CYP19A1: variants seen among roughly 807,000 people sequenced by gnomAD.
The protein encoded by CYP19A1 is cytochrome P450 family 19 subfamily A member 1, also known as aromatase.
Under a neutral mutation model 44.4 loss-of-function variants are expected in CYP19A1, and 32 were observed. The ratio of observed to expected loss-of-function variants is 0.72; its 90% confidence interval spans 0.54 to 0.97. The LOEUF (loss-of-function observed/expected upper bound fraction) is 0.97. Ranked by LOEUF, CYP19A1 falls within the 50% of genes least tolerant of loss-of-function variation. The pLI is 0.00. For synonymous variants in CYP19A1, 212 were observed against 215.6 expected, an observed-to-expected ratio of 0.98 and a Z score of 0.14; for missense variants, 598 against 637.8, an observed-to-expected ratio of 0.94 and a Z score of 0.67.
chr15:51,299,038 G>A (rs960450076), intron 1 of CYP19A1, among the ~76,000 whole-genome samples: 4 of 152,236 alleles, frequency 2.6e-5, no homozygotes, highest in African/African-American at 9.6e-5. Flanking sequence ...AACCGGCAAG[G>A]CCTTTTTCTG....
At chr15:51,267,509 T>A (rs2034966464) in intron 1 of CYP19A1, among the ~76,000 whole-genome samples, 1 of 152,264 alleles carries the variant, frequency 6.6e-6, no homozygotes, top group South Asian at 2.1e-4. Context: ...CGAGGTCCCT[T>A]GGCTGTACGC....
chr15:51,319,576 G>A (rs1459768319), intron 1 of CYP19A1, among the ~76,000 whole-genome samples: 1 of 152,140 alleles, frequency 6.6e-6, no homozygotes, highest in African/African-American at 2.4e-5. Context: ...ACCCATAAGG[G>A]ACAACTAAAC....
At chr15:51,264,428 G>A (rs955542084) in intron 1 of CYP19A1, among the ~76,000 whole-genome samples, 1 of 152,104 alleles carries the variant, frequency 6.6e-6, no homozygotes, top group African/African-American at 2.4e-5. Flanking sequence ...TTGGTTAGTA[G>A]GGGAGACAGG....
At chr15:51,245,680 A>C (rs2034021045) in intron 1 of CYP19A1, among the ~76,000 whole-genome samples, 1 of 152,246 alleles carries the variant, frequency 6.6e-6, no homozygotes, top group East Asian at 1.9e-4. Flanking sequence ...AGAAAAAAAC[A>C]AACAACCCCA....
intron 1 of CYP19A1, among the ~76,000 whole-genome samples, chr15:51,253,736 C>A (rs1019157256): frequency 9.2e-5 from 14 of 152,172 alleles, no homozygotes; most frequent in African/African-American, 3.1e-4. Flanking sequence ...TCCTAATTAT[C>A]ATTAAGCAAA....
chr15:51,325,372 T>C (rs1289510744), intron 1 of CYP19A1, among the ~76,000 whole-genome samples: 3 of 152,112 alleles, frequency 2.0e-5, no homozygotes, highest in Non-Finnish European at 2.9e-5. Flanking sequence ...TTGCAGCCCA[T>C]AGATATTCGC....
intron 1 of CYP19A1, among the ~76,000 whole-genome samples, chr15:51,281,605 G>A (rs1041664553): frequency 1.3e-5 from 2 of 152,226 alleles, no homozygotes; most frequent in African/African-American, 4.8e-5. Context: ...GCAGCCTTGG[G>A]AGGCAGGCAG....
intron 1 of CYP19A1, among the ~76,000 whole-genome samples, chr15:51,310,181 A>G (rs1351805298): frequency 2.6e-5 from 4 of 152,334 alleles, no homozygotes; most frequent in Middle Eastern, 3.4e-3. Flanking sequence ...ATTGCACACT[A>G]TCTCCCTCAC....
intron 6 of CYP19A1, 105 bp from the exon 7 acceptor site, chr15:51,215,922 A>G: frequency 6.4e-7 from 1 of 1,574,706 alleles, no homozygotes; most frequent in South Asian, 1.1e-5. Flanking sequence ...TTTAATTGAA[A>G]ACATTGGTGC....
At chr15:51,259,564 G>A (rs1433391585) in intron 1 of CYP19A1, among the ~76,000 whole-genome samples, 1 of 152,180 alleles carries the variant, frequency 6.6e-6, no homozygotes, top group African/African-American at 2.4e-5. Flanking sequence ...GTCAGGGGAA[G>A]GGAGGGTGAA....
At chr15:51,247,503 T>A (rs954916923) in intron 1 of CYP19A1, among the ~76,000 whole-genome samples, 1 of 152,192 alleles carries the variant, frequency 6.6e-6, no homozygotes, top group African/African-American at 2.4e-5. Context: ...AGAGTCTTGC[T>A]CTGTTGCCCA....
intron 1 of CYP19A1, among the ~76,000 whole-genome samples, chr15:51,299,770 C>A (rs2036074378): frequency 6.6e-6 from 1 of 152,222 alleles, no homozygotes. Flanking sequence ...GTTCACAGCC[C>A]AGCAGGGGAG....
intron 1 of CYP19A1, among the ~76,000 whole-genome samples, chr15:51,335,093 T>A (rs756555239): frequency 1.1e-4 from 17 of 152,036 alleles, no homozygotes; most frequent in Non-Finnish European, 5.9e-5. Context: ...GTACTCCAAA[T>A]TCCATCTCAG....
intron 5 of CYP19A1, among the ~76,000 whole-genome samples, chr15:51,220,012 G>A (rs767100059): frequency 1.3e-4 from 20 of 152,214 alleles, no homozygotes; most frequent in Non-Finnish European, 1.9e-4. Flanking sequence ...AGCTGGAGTA[G>A]GGGAGATGCG....
intron 7 of CYP19A1, among the ~76,000 whole-genome samples, 186 bp from the exon 8 acceptor site, chr15:51,215,418 G>T (rs915936983): frequency 1.3e-5 from 2 of 152,220 alleles, no homozygotes; most frequent in African/African-American, 4.8e-5. Context: ...TAGGCCGACT[G>T]TCTATGTATA....
chr15:51,286,430 CGTTT>C (rs1396217432), intron 1 of CYP19A1, among the ~76,000 whole-genome samples: 1 of 152,154 alleles, frequency 6.6e-6, no homozygotes. Context: ...TTGTCTGTTT[CGTTT>C]GTTTGTTCTT....
intron 1 of CYP19A1, among the ~76,000 whole-genome samples, chr15:51,300,403 T>A (rs560221581): frequency 6.6e-6 from 1 of 152,268 alleles, no homozygotes; most frequent in Non-Finnish European, 1.5e-5. Flanking sequence ...TCTCAAGAAA[T>A]CACTTTGGTG....
chr15:51,230,658 G>A (rs962427843), intron 3 of CYP19A1, among the ~76,000 whole-genome samples: 9 of 134,332 alleles, frequency 6.7e-5, no homozygotes, highest in Non-Finnish European at 1.1e-4. Context: ...TCACTCTATC[G>A]CCCAGGCTGG....
chr15:51,314,616 G>A (rs1045915383), intron 1 of CYP19A1, among the ~76,000 whole-genome samples: 1 of 152,296 alleles, frequency 6.6e-6, no homozygotes, highest in African/African-American at 2.4e-5. Context: ...TTCTGCCTTA[G>A]AACTCTAACT....
Sources: gnomAD v4.1 joint callset for allele counts (sites outside exome capture counted in the v4.1 genomes callset) on GRCh38, gnomAD v4.1.1 for gene constraint, MANE v1.5 for transcripts, NCBI Gene and HGNC (gene_info 2026-07-23, HGNC 2026-07-21) for gene names.